Variants in PREP observed in about 807,000 individuals in gnomAD.
PREP encodes the protein dJ355L5.1 (prolyl endopeptidase).
In PREP, 29 loss-of-function variants were observed where a neutral mutation model predicts 87.6. The observed-to-expected ratio is 0.33, with a 90% CI of 0.25 to 0.45. PREP has a LOEUF of 0.45. Ranked by LOEUF, PREP falls within the 20% of genes least tolerant of loss-of-function variation. PREP has a pLI of 1.00. For synonymous variants in PREP, 337 were observed against 328.6 expected (o/e 1.03, Z -0.28); for missense variants, 695 against 886.5 (o/e 0.78, Z 2.74).
At chr6:105,316,897 T>C (rs1461463558) in intron 10 of PREP, among the ~76,000 whole-genome samples, 1 of 151,986 alleles carries the variant, frequency 6.6e-6, no homozygotes, top group African/African-American at 2.4e-5. Flanking sequence ...TTACATGGTG[T>C]AGAAACTATA....
chr6:105,396,082 G>A (rs1280403337), intron 2 of PREP, among the ~76,000 whole-genome samples: 21 of 152,152 alleles, frequency 1.4e-4, no homozygotes, highest in Admixed American at 1.4e-3. Context: ...CATTCCTAAA[G>A]ATACTCAGGT....
Position 105,278,560 on chromosome 6 carries a change from G to T in PREP, c.1839-122C>A. On this transcript the variant is annotated intron_variant, in intron 14 of 14. Transcript: ENST00000652536. This position sits in a 1 kb window ranked among gnomAD's most constrained non-coding sequence, Gnocchi z 4.2. ...AACTAGTACGTGAGTGACCACCATGGACTGTGCCTATGCGTTACCATTTAG... is the reference window on the plus strand; with the variant it reads ...AACTAGTACGTGAGTGACCACCATGTACTGTGCCTATGCGTTACCATTTAG... 9.7e-7 allele frequency: 1 copy of T among 1,028,966 alleles called. No homozygotes were observed. The highest frequency in any genetic ancestry group is 1.4e-6 in the Non-Finnish European group (1 of 712,454). The allele number at this position is 1,028,966 out of a possible 1,614,324, so 63.7% of individuals were successfully genotyped here. A position where few individuals can be genotyped will look rare whatever the true frequency, so the allele number is the denominator to read the frequency against.
At chr6:105,372,487 A>G (rs1772586782) in intron 5 of PREP, among the ~76,000 whole-genome samples, 2 of 152,222 alleles carry the variant, frequency 1.3e-5, no homozygotes, top group Non-Finnish European at 1.5e-5. Context: ...GACACATTGT[A>G]CCAGTAAGGT....
intron 5 of PREP, among the ~76,000 whole-genome samples, chr6:105,372,357 T>C (rs951060039): frequency 6.6e-6 from 1 of 152,210 alleles, no homozygotes; most frequent in Non-Finnish European, 1.5e-5. Context: ...ACTGAGCCTC[T>C]GTGCCCAAGC....
chr6:105,388,518 G>C (rs1773060053), intron 2 of PREP, among the ~76,000 whole-genome samples: 1 of 152,050 alleles, frequency 6.6e-6, no homozygotes, highest in Non-Finnish European at 1.5e-5. Flanking sequence ...GGAACGTAGT[G>C]ATTAGGAGTA....
intron 1 of PREP, among the ~76,000 whole-genome samples, chr6:105,402,008 T>C (rs1396193649): frequency 2.0e-5 from 3 of 152,116 alleles, no homozygotes; most frequent in African/African-American, 7.2e-5. Context: ...GTCGTCAAAT[T>C]CACGTTTACA....
intron 7 of PREP, among the ~76,000 whole-genome samples, chr6:105,335,139 TA>T (rs1288183139): frequency 6.6e-6 from 1 of 152,220 alleles, no homozygotes; most frequent in African/African-American, 2.4e-5. Context: ...CCACTTTTAA[TA>T]AAGTTGAAAC....
chr6:105,292,514 G>A (rs1041769711), intron 10 of PREP, among the ~76,000 whole-genome samples: 11 of 152,170 alleles, frequency 7.2e-5, no homozygotes, highest in Admixed American at 3.3e-4. Context: ...GTAAACAGAT[G>A]TGCTGTCACC....
rs763324378 is a variant in PREP at position 105,323,671 on chromosome 6, T to C, written c.1311A>G (p.Thr437=). 3 of 1,607,438 alleles carry C rather than the reference T, an allele frequency of 1.9e-6. No homozygotes were observed. The Admixed American group carries it at 5.0e-5, about 27-fold the overall frequency. The change falls in exon 10 of 15, where the codon ACA becomes ACG. Residue 437 remains threonine (T), a synonymous_variant. Transcript: ENST00000652536. Reference sequence around the variant, plus strand: ...GAGATCATATTCTCCATACCTGGACTGTCTGGTAATCAGAAGCATCAATTC... The same window carrying C: ...GAGATCATATTCTCCATACCTGGACCGTCTGGTAATCAGAAGCATCAATTC... ...VKGIDASDYQ[T]VQIFYPSKDG...
In PREP at chr6:105,352,841, A is replaced by G. The variant is rs114470269; in HGVS notation, c.823+131T>C. The G allele has an allele frequency of 1.3e-3, 1,071 of 820,812 alleles. 5 individuals carry two copies. In the African/African-American group the frequency reaches 0.016, roughly 12 times the overall value. The allele number at this position is 820,812 out of a possible 1,614,324, so 50.8% of individuals were successfully genotyped here. ...ATTTTATGGAATAGTACTAAAAGAA[A>G]AAAAATCAGATGAACTGACATGATG... On this transcript the variant is annotated intron_variant, in intron 7 of 14. Coordinates refer to ENST00000652536, the MANE Select transcript of PREP (RefSeq NM_002726.5).
intron 2 of PREP, among the ~76,000 whole-genome samples, chr6:105,393,846 T>A (rs1334744037): frequency 6.6e-6 from 1 of 152,120 alleles, no homozygotes; most frequent in Admixed American, 6.5e-5. Flanking sequence ...CTATTTCAGA[T>A]CTTATAAGAG....
At chr6:105,335,540 T>C (rs1199140221) in intron 7 of PREP, among the ~76,000 whole-genome samples, 1 of 152,218 alleles carries the variant, frequency 6.6e-6, no homozygotes, top group African/African-American at 2.4e-5. Flanking sequence ...CCTTGAGCAA[T>C]CTCTTTATTC....
intron 7 of PREP, 65 bp downstream of exon 7, chr6:105,352,907 C>A: frequency 2.2e-6 from 3 of 1,380,972 alleles, no homozygotes; most frequent in Non-Finnish European, 1.0e-6. Context: ...AATTAATAGA[C>A]CACAATAATA....
chr6:105,386,118 C>CAAAG (rs201256781), intron 2 of PREP, among the ~76,000 whole-genome samples: 6,442 of 152,104 alleles, frequency 0.042, 176 homozygotes, highest in South Asian at 0.11. Context: ...GACTCCATCT[C>CAAAG]AAAGAAAGAA....
At chr6:105,302,522 G>A (rs1019728281) in intron 10 of PREP, 3 of 394,628 alleles carry the variant, frequency 7.6e-6, no homozygotes, top group African/African-American at 2.1e-5. Flanking sequence ...TGGTCTTCAG[G>A]TTCTCCTCGT....
At chr6:105,288,923 T>G (rs1471346248) in intron 10 of PREP, 29 bp from the exon 11 acceptor site, 2 of 1,596,592 alleles carry the variant, frequency 1.3e-6, no homozygotes, top group Non-Finnish European at 1.7e-6. Flanking sequence ...GAATATAAGA[T>G]TTAGCATTAC....
At chr6:105,388,150 A>G (rs999159225) in intron 2 of PREP, among the ~76,000 whole-genome samples, 8 of 150,704 alleles carry the variant, frequency 5.3e-5, no homozygotes, top group Non-Finnish European at 1.2e-4. Flanking sequence ...GAAGCCAAAG[A>G]GGGTCCCTGG....
intron 10 of PREP, among the ~76,000 whole-genome samples, chr6:105,311,072 C>A (rs1012883995): frequency 1.3e-5 from 2 of 152,164 alleles, no homozygotes; most frequent in African/African-American, 4.8e-5. Context: ...TAGGTATATT[C>A]CAAACTCACC....
At chr6:105,315,371 C>T (rs1770839396) in intron 10 of PREP, among the ~76,000 whole-genome samples, 1 of 152,246 alleles carries the variant, frequency 6.6e-6, no homozygotes, top group East Asian at 1.9e-4. Flanking sequence ...TGGGATTGCA[C>T]CACATTGCCA....
Sources: gnomAD v4.1 joint callset for allele counts (sites outside exome capture counted in the v4.1 genomes callset) on GRCh38, gnomAD v4.1.1 for gene constraint, Gnocchi (gnomAD v3.1) non-coding constraint, MANE v1.5 for transcripts, NCBI Gene and HGNC (gene_info 2026-07-23, HGNC 2026-07-21) for gene names.